OXCT1: variants seen among roughly 807,000 people sequenced by gnomAD.
OXCT1 encodes the protein 3-oxoacid CoA-transferase 1.
Under a neutral mutation model 69.6 loss-of-function variants are expected in OXCT1, and 27 were observed. The ratio of observed to expected loss-of-function variants is 0.39; its 90% confidence interval spans 0.29 to 0.54. The LOEUF (loss-of-function observed/expected upper bound fraction) is 0.54, where lower values mean the gene tolerates loss of function less well. Ranked by LOEUF, OXCT1 falls within the 20% of genes least tolerant of loss-of-function variation. The probability of loss-of-function intolerance (pLI) is 0.72; values close to 1 mark genes in which losing one functional copy is unlikely to be tolerated. For synonymous variants in OXCT1, 202 were observed against 217.8 expected (o/e 0.93, Z 0.64); for missense variants, 437 against 650.2 (o/e 0.67, Z 3.57).
intron 7 of OXCT1, among the ~76,000 whole-genome samples, chr5:41,815,394 G>A (rs1747189761): frequency 6.6e-6 from 1 of 151,946 alleles, no homozygotes; most frequent in South Asian, 2.1e-4. Context: ...GCCCAGGCTT[G>A]TCTCAAATTC....
At chr5:41,800,279 A>G (rs1050703015) in intron 11 of OXCT1, among the ~76,000 whole-genome samples, 3 of 152,124 alleles carry the variant, frequency 2.0e-5, no homozygotes, top group Non-Finnish European at 4.4e-5. Flanking sequence ...TTACTAGATC[A>G]TACTTACCAG....
At chr5:41,820,114 G>A (rs1747474117) in intron 7 of OXCT1, among the ~76,000 whole-genome samples, 1 of 152,052 alleles carries the variant, frequency 6.6e-6, no homozygotes, top group Admixed American at 6.6e-5. Flanking sequence ...AAATAATAGT[G>A]ACATTCCCAT....
Position 41,776,770 on chromosome 5 carries a change from G to T in OXCT1, c.1249-14570C>A, listed in dbSNP as rs547242544. ...TAAGAACGGCATGTGTGGGATTTTTGTTTTTATTCCCAATGGAAAAAACTT... is the reference window on the plus strand; with the variant it reads ...TAAGAACGGCATGTGTGGGATTTTTTTTTTTATTCCCAATGGAAAAAACTT... On this transcript the variant is annotated intron_variant, in intron 13 of 16. Coordinates refer to ENST00000196371, the MANE Select transcript of OXCT1 (RefSeq NM_000436.4). 3.3e-5 allele frequency among the ~76,000 whole-genome samples: 5 copies of T among 152,096 alleles called. No homozygotes were observed. The South Asian group carries it at 1.0e-3, about 32-fold the overall frequency.
intron 13 of OXCT1, among the ~76,000 whole-genome samples, chr5:41,773,090 C>T (rs188565287): frequency 5.3e-5 from 8 of 152,192 alleles, no homozygotes; most frequent in Admixed American, 3.9e-4. Context: ...CGACTTTGGG[C>T]GATTTGCCAC....
intron 14 of OXCT1, among the ~76,000 whole-genome samples, chr5:41,753,310 G>GAA (rs146107887): frequency 1.3e-5 from 2 of 149,886 alleles, no homozygotes; most frequent in Non-Finnish European, 3.0e-5. Flanking sequence ...CACACACATA[G>GAA]ACACACACAC....
chr5:41,764,943 TG>T (rs1260508366), intron 13 of OXCT1, among the ~76,000 whole-genome samples: 1 of 152,178 alleles, frequency 6.6e-6, no homozygotes, highest in Non-Finnish European at 1.5e-5. Context: ...TTCAAATATC[TG>T]GTTTTTCTGC....
At position 41,851,764 on chromosome 5, in the gene OXCT1, A is replaced by C. The variant is rs1749185606; in HGVS notation, c.415-1585T>G. ...GATGTACGTACTTTCTGACGAAATA[A>C]GGAGTAACATAAAAGATACCAAGGG... On this transcript the variant is annotated intron_variant, in intron 4 of 16. Coordinates refer to ENST00000196371, the MANE Select transcript of OXCT1 (RefSeq NM_000436.4). Among the ~76,000 whole-genome samples, 8 of 152,352 alleles carry C rather than the reference A, an allele frequency of 5.3e-5. No individual in the cohort carries two copies. In the South Asian group the frequency reaches 1.2e-3, roughly 24 times the overall value.
At chr5:41,736,872 T>C (rs564606341) in intron 16 of OXCT1, among the ~76,000 whole-genome samples, 1 of 152,320 alleles carries the variant, frequency 6.6e-6, no homozygotes, top group Non-Finnish European at 1.5e-5. Flanking sequence ...TATAGTCACA[T>C]ATGGAGTACA....
chr5:41,805,343 T>C (rs756173881), intron 9 of OXCT1, among the ~76,000 whole-genome samples: 1 of 151,988 alleles, frequency 6.6e-6, no homozygotes, highest in Non-Finnish European at 1.5e-5. Context: ...AAGCAAATTA[T>C]TGATTGCCAT....
rs370364761 is a variant in OXCT1 at position 41,841,655 on chromosome 5, T to C, written c.671+1020A>G. 5.9e-5 allele frequency among the ~76,000 whole-genome samples: 9 copies of C among 152,308 alleles called. No individual in the cohort carries two copies. The East Asian group carries it at 9.6e-4, about 16-fold the overall frequency. On this transcript the variant is annotated intron_variant, in intron 6 of 16. Transcript: ENST00000196371. Reference sequence around the variant, plus strand: ...GCAGCGCAGAATAAACATGGGAATATTTTCAATAATTCCTTTCTGTTTGGT... The same window carrying C: ...GCAGCGCAGAATAAACATGGGAATACTTTCAATAATTCCTTTCTGTTTGGT...
At position 41,801,392 on chromosome 5, in the gene OXCT1, T is replaced by C. The variant is rs1579765552; in HGVS notation, c.1051-322A>G. ...CTACTATGAAAATGTATTAGAAATATAGGTCGGTAAAACTAATGTAGGCCA... is the reference window on the plus strand; with the variant it reads ...CTACTATGAAAATGTATTAGAAATACAGGTCGGTAAAACTAATGTAGGCCA... On this transcript the variant is annotated intron_variant, in intron 10 of 16. Coordinates refer to ENST00000196371, the MANE Select transcript of OXCT1 (RefSeq NM_000436.4). 2.6e-5 allele frequency among the ~76,000 whole-genome samples: 4 copies of C among 152,216 alleles called. No homozygotes were observed. The South Asian group carries it at 8.3e-4, about 32-fold the overall frequency.
At chr5:41,760,069 C>A (rs1244729828) in intron 14 of OXCT1, among the ~76,000 whole-genome samples, 1 of 152,088 alleles carries the variant, frequency 6.6e-6, no homozygotes, top group East Asian at 1.9e-4. Context: ...TCTTTTCCAG[C>A]TCTTCTCAAC....
At chr5:41,778,491 T>C (rs1258776036) in intron 13 of OXCT1, among the ~76,000 whole-genome samples, 2 of 152,230 alleles carry the variant, frequency 1.3e-5, no homozygotes, top group Non-Finnish European at 2.9e-5. Flanking sequence ...CCCAATCCCA[T>C]ATTGCTTTCA....
intron 1 of OXCT1, among the ~76,000 whole-genome samples, chr5:41,868,646 C>T (rs985860581): frequency 7.3e-5 from 11 of 151,504 alleles, no homozygotes; most frequent in African/African-American, 2.7e-4. Context: ...TGGCGTGAAC[C>T]CGGGAGGCGG....
chr5:41,846,802 T>C (rs1175382556), intron 5 of OXCT1, among the ~76,000 whole-genome samples: 1 of 152,200 alleles, frequency 6.6e-6, no homozygotes. Flanking sequence ...TGTTGTTTCC[T>C]GACTTTTTAA....
chr5:41,807,492 T>G lies in OXCT1; in HGVS notation c.733-54A>C, dbSNP rs1746743378. On this transcript the variant is annotated intron_variant, in intron 7 of 16. Transcript: ENST00000196371. ...TAGTGAAAGCTTAAAGTGAACATTT[T>G]TAATTTTTTAAAAAGTATACACAAC... is the stretch of plus-strand genomic sequence containing the variant. 7.9e-6 allele frequency: 8 copies of G among 1,011,464 alleles called. No individual in the cohort carries two copies. In the South Asian group the frequency reaches 9.0e-5, roughly 11 times the overall value. The allele number at this position is 1,011,464 out of a possible 1,614,324, so 62.7% of individuals were successfully genotyped here. A position where few individuals can be genotyped will look rare whatever the true frequency, so the allele number is the denominator to read the frequency against.
chr5:41,848,900 A>T (rs945614001), intron 5 of OXCT1, among the ~76,000 whole-genome samples: 4 of 152,226 alleles, frequency 2.6e-5, no homozygotes, highest in African/African-American at 9.7e-5. Context: ...TAAAACACCA[A>T]AAGCAATGGC....
chr5:41,834,237 G>C (rs1748241753), intron 7 of OXCT1, among the ~76,000 whole-genome samples: 1 of 151,570 alleles, frequency 6.6e-6, no homozygotes, highest in African/African-American at 2.4e-5. Flanking sequence ...AGGAAGGAAG[G>C]AAAGAAGAAA....
intron 13 of OXCT1, among the ~76,000 whole-genome samples, chr5:41,772,087 T>C (rs1335798212): frequency 6.6e-6 from 1 of 152,214 alleles, no homozygotes; most frequent in Non-Finnish European, 1.5e-5. Flanking sequence ...TACTAAAATA[T>C]ATTAATCTCC....
Sources: allele counts gnomAD v4.1 joint callset (sites outside exome capture counted in the v4.1 genomes callset), GRCh38; gene constraint gnomAD v4.1.1; transcripts MANE v1.5; gene names NCBI Gene and HGNC (gene_info 2026-07-23, HGNC 2026-07-21).